Variants in LHFPL6 observed in about 807,000 individuals in gnomAD.
LHFPL6 encodes LHFPL tetraspan subfamily member 6.
LHFPL6 carries 9 observed loss-of-function variants against 20.6 expected under a neutral mutation model. The observed-to-expected ratio is 0.44, with a 90% CI of 0.26 to 0.76. The LOEUF (loss-of-function observed/expected upper bound fraction) is 0.76, where lower values mean the gene tolerates loss of function less well. Among genes scored for constraint, LHFPL6 ranks in the 30% least tolerant of loss-of-function variants. The pLI is 0.20. For missense variants in LHFPL6, 218 were observed against 253.5 expected (o/e 0.86, Z 0.95); for synonymous variants, 105 against 98.7 (o/e 1.06, Z -0.38).
intron 2 of LHFPL6, among the ~76,000 whole-genome samples, chr13:39,459,194 A>ATGTGTG (rs58955444): frequency 0.042 from 5,765 of 135,986 alleles, 165 homozygotes; most frequent in Middle Eastern, 0.065. Flanking sequence ...AAGTTCCTTA[A>ATGTGTG]TGTGTGTGTG....
chr13:39,470,170 T>C (rs1872907145), intron 2 of LHFPL6, among the ~76,000 whole-genome samples: 1 of 152,198 alleles, frequency 6.6e-6, no homozygotes. Context: ...GGTAAAACCT[T>C]TGCTAAACTA....
Position 39,380,509 on chromosome 13 carries a change from A to AG in LHFPL6, c.386-1984dup, listed in dbSNP as rs1291909809. ...CTCCTGTCAGATCAGTGGTGGCATC[A>AG]GTTTTTTTTTTTTTTTTTTGAGACA... On this transcript the variant is annotated intron_variant, in intron 2 of 3. Transcript: ENST00000379589. Among the ~76,000 whole-genome samples, 73 of 140,726 alleles carry AG rather than the reference A, an allele frequency of 5.2e-4. 1 individual carries two copies. Among genetic ancestry groups the AG allele is most frequent in the Middle Eastern group, 7.7e-3 (2 of 260 alleles). The allele number at this position is 140,726 out of a possible 152,430, so 92.3% of individuals were successfully genotyped here.
chr13:39,451,689 T>G lies in LHFPL6; in HGVS notation c.386-73163A>C, dbSNP rs180859962. Among the ~76,000 whole-genome samples, 21 of 152,364 alleles carry G rather than the reference T, an allele frequency of 1.4e-4. No homozygotes were observed. In the East Asian group the frequency reaches 3.3e-3, roughly 24 times the overall value. ...ATTCCTTACATGTCCTATCAGCATATGTCTCTACTGTTAATATTTTCTTTT... is the reference window on the plus strand; with the variant it reads ...ATTCCTTACATGTCCTATCAGCATAGGTCTCTACTGTTAATATTTTCTTTT... On this transcript the variant is annotated intron_variant, in intron 2 of 3. Coordinates refer to ENST00000379589, the MANE Select transcript of LHFPL6 (RefSeq NM_005780.3).
chr13:39,397,754 T>G (rs1363906052), intron 2 of LHFPL6, among the ~76,000 whole-genome samples: 3 of 152,208 alleles, frequency 2.0e-5, no homozygotes, highest in Non-Finnish European at 4.4e-5. Flanking sequence ...GGAAAGAAAC[T>G]TGTTCCGGGA....
chr13:39,565,250 A>AATG (rs1871672761), intron 2 of LHFPL6, among the ~76,000 whole-genome samples: 1 of 145,372 alleles, frequency 6.9e-6, no homozygotes. Flanking sequence ...TTCATCATAG[A>AATG]ATGATAGTGT....
chr13:39,523,148 T>A (rs1021964635), intron 2 of LHFPL6, among the ~76,000 whole-genome samples: 4 of 152,344 alleles, frequency 2.6e-5, no homozygotes, highest in African/African-American at 7.2e-5. Flanking sequence ...GCTTTACGAC[T>A]GATACATGTA....
intron 2 of LHFPL6, among the ~76,000 whole-genome samples, chr13:39,481,217 A>G (rs921478598): frequency 2.0e-5 from 3 of 152,242 alleles, no homozygotes; most frequent in Non-Finnish European, 4.4e-5. Flanking sequence ...AAAATACTAT[A>G]TATGACTGAA....
chr13:39,589,552 T>C (rs910907944), intron 2 of LHFPL6, among the ~76,000 whole-genome samples: 4 of 152,240 alleles, frequency 2.6e-5, no homozygotes, highest in African/African-American at 9.6e-5. Flanking sequence ...CTGGACTTTT[T>C]TTTATTATGA....
intron 2 of LHFPL6, among the ~76,000 whole-genome samples, chr13:39,472,668 A>T (rs780151728): frequency 1.1e-4 from 17 of 151,924 alleles, no homozygotes; most frequent in South Asian, 2.1e-4. Flanking sequence ...GAGTGCAATG[A>T]TGCAATCTCG....
chr13:39,349,270 C>T (rs1475160835), intron 3 of LHFPL6, among the ~76,000 whole-genome samples: 2 of 151,946 alleles, frequency 1.3e-5, no homozygotes, highest in African/African-American at 4.8e-5. Context: ...GAGATATAGC[C>T]AGCCAATCAA....
At chr13:39,356,759 A>G (rs1351649832) in intron 3 of LHFPL6, among the ~76,000 whole-genome samples, 3 of 152,254 alleles carry the variant, frequency 2.0e-5, no homozygotes, top group Non-Finnish European at 4.4e-5. Flanking sequence ...AAAGTCATTA[A>G]TCTAGAGGAA....
At chr13:39,496,681 C>T (rs1869111794) in intron 2 of LHFPL6, among the ~76,000 whole-genome samples, 1 of 152,132 alleles carries the variant, frequency 6.6e-6, no homozygotes, top group South Asian at 2.1e-4. Context: ...TCATGAATGG[C>T]TAGACCAAAA....
chr13:39,415,624 C>T (rs369549049), intron 2 of LHFPL6, among the ~76,000 whole-genome samples: 122 of 152,258 alleles, frequency 8.0e-4, no homozygotes, highest in African/African-American at 2.8e-3. Context: ...CTCCAGGGGG[C>T]AGTGGCTTTC....
intron 3 of LHFPL6, among the ~76,000 whole-genome samples, chr13:39,345,866 T>A (rs1869387469): frequency 6.6e-6 from 1 of 152,154 alleles, no homozygotes. Context: ...AGATCCACCA[T>A]CTCACAGCTG....
At chr13:39,501,401 T>A (rs547412750) in intron 2 of LHFPL6, among the ~76,000 whole-genome samples, 2 of 152,330 alleles carry the variant, frequency 1.3e-5, no homozygotes, top group East Asian at 3.9e-4. Context: ...TTTTTTTACA[T>A]CATAGAATGT....
intron 2 of LHFPL6, among the ~76,000 whole-genome samples, chr13:39,398,506 A>T (rs1379059285): frequency 6.6e-6 from 1 of 152,260 alleles, no homozygotes. Context: ...AAGCTGCTTC[A>T]GTCTTCACTA....
chr13:39,380,718 C>A (rs891274438), intron 2 of LHFPL6, among the ~76,000 whole-genome samples: 3 of 152,074 alleles, frequency 2.0e-5, no homozygotes, highest in African/African-American at 7.2e-5. Context: ...ATCTAGAACT[C>A]CTGACCACAG....
chr13:39,460,216 G>C (rs894271545), intron 2 of LHFPL6, among the ~76,000 whole-genome samples: 1 of 152,144 alleles, frequency 6.6e-6, no homozygotes, highest in Non-Finnish European at 1.5e-5. Context: ...ACAGGCTCAA[G>C]AAAGAGCAAA....
At chr13:39,441,559 C>T (rs1205054606) in intron 2 of LHFPL6, among the ~76,000 whole-genome samples, 2 of 151,966 alleles carry the variant, frequency 1.3e-5, no homozygotes, top group Admixed American at 6.6e-5. Context: ...GTCACCCAGG[C>T]TGGGGTGCAG....
Sources: gnomAD v4.1 joint callset for allele counts (sites outside exome capture counted in the v4.1 genomes callset) on GRCh38, gnomAD v4.1.1 for gene constraint, MANE v1.5 for transcripts, NCBI Gene and HGNC (gene_info 2026-07-23, HGNC 2026-07-21) for gene names.